Variants in TNNT1 observed in about 807,000 individuals in gnomAD.
TNNT1 encodes the protein troponin T1, slow skeletal type.
A neutral mutation model predicts 50.6 loss-of-function variants in TNNT1; 53 were observed. The observed-to-expected ratio is 1.05, with a 90% confidence interval of 0.84 to 1.32. The LOEUF (loss-of-function observed/expected upper bound fraction) is 1.32. Ranked by LOEUF, TNNT1 falls within the 40% of genes most tolerant of loss-of-function variation. TNNT1 has a pLI of 0.00. For synonymous variants in TNNT1, 142 were observed against 138.0 expected (o/e 1.03, Z -0.20); for missense variants, 348 against 381.7 (o/e 0.91, Z 0.74).
At chr19:55,141,352 A>C in intron 7 of TNNT1, 50 bp from the exon 8 acceptor site, 1 of 1,373,272 alleles carries the variant, frequency 7.3e-7, no homozygotes. Context: ...AGGGGGCAGC[A>C]GCCTCCCAGC....
In TNNT1 at chr19:55,132,759, G is replaced by A. The variant is rs1326839131; in HGVS notation, c.*156C>T. 3 of 713,900 alleles carry A rather than the reference G, an allele frequency of 4.2e-6. No individual in the cohort carries two copies. In the East Asian group the frequency reaches 8.1e-5, roughly 19 times the overall value. The allele number at this position is 713,900 out of a possible 1,614,324, so 44.2% of individuals were successfully genotyped here. A position where few individuals can be genotyped will look rare whatever the true frequency, so the allele number is the denominator to read the frequency against. On this transcript the variant is annotated 3_prime_UTR_variant, in exon 14 of 14. Coordinates refer to ENST00000588981, the MANE Select transcript of TNNT1 (RefSeq NM_003283.6). ...TGACACTCTTTCAAGTAACTTGTTG[G>A]TAATAAGAAGTCAATTAACCAGGAG...
chr19:55,140,807 TA>T, intron 9 of TNNT1, 75 bp downstream of exon 9: 3 of 1,011,894 alleles, frequency 3.0e-6, no homozygotes, highest in East Asian at 6.0e-5. Flanking sequence ...ATAATAATAA[TA>T]ATAATAATAA....
Position 55,141,313 on chromosome 19 carries a change from C to T in TNNT1, c.193-11G>A. ...CTTGCGGTGGATGTCCTGCAGGACA[C>T]ACGGGCAGCCCGTCCTAGGAGACCC... On this transcript the variant is annotated splice_polypyrimidine_tract_variant and intron_variant, in intron 7 of 13. Coordinates refer to ENST00000588981, the MANE Select transcript of TNNT1 (RefSeq NM_003283.6). 6.2e-7 allele frequency: 1 copy of T among 1,608,808 alleles called. No individual in the cohort carries two copies. Among genetic ancestry groups the T allele is most frequent in the Non-Finnish European group, 8.5e-7 (1 of 1,175,124 alleles).
At chr19:55,146,344 A>T (rs2085550723) in intron 5 of TNNT1, 90 bp downstream of exon 5, 1 of 861,210 alleles carries the variant, frequency 1.2e-6, no homozygotes, top group South Asian at 2.8e-5. Flanking sequence ...GAGGGAGGGA[A>T]GGGTGGTCTT....
rs10582842 is a variant in TNNT1, at chr19:55,140,794, GTAATAA to G, written c.387+83_387+88del. 3.6e-3 allele frequency: 2,562 copies of G among 707,352 alleles called. 38 individuals carry two copies. In the African/African-American group the frequency reaches 0.036, roughly 10 times the overall value. 43.8% of individuals were successfully genotyped at this position (707,352 alleles called of 1,614,324 possible). ...TCCGTTTCAAAGAATAATAATAATA[GTAATAA>G]TAATAATAATAATAATAATAACAAA... On this transcript the variant is annotated intron_variant, in intron 9 of 13. Coordinates refer to ENST00000588981, the MANE Select transcript of TNNT1 (RefSeq NM_003283.6).
At chr19:55,136,504 A>C (rs1186179560) in intron 11 of TNNT1, among the ~76,000 whole-genome samples, 1 of 152,210 alleles carries the variant, frequency 6.6e-6, no homozygotes, top group East Asian at 1.9e-4. Context: ...TAACGTGCGC[A>C]AGATCACAAA....
At chr19:55,139,082 C>T (rs937863401) in intron 9 of TNNT1, among the ~76,000 whole-genome samples, 5 of 152,170 alleles carry the variant, frequency 3.3e-5, no homozygotes, top group African/African-American at 1.2e-4. Flanking sequence ...TCACTGCAAC[C>T]CCCACCTCCT....
At chr19:55,141,000 C>A in intron 8 of TNNT1, 40 bp from the exon 9 acceptor site, 3 of 1,608,020 alleles carry the variant, frequency 1.9e-6, no homozygotes, top group South Asian at 2.2e-5. Flanking sequence ...AGGGACGTAC[C>A]CCCAGTCTTC....
intron 10 of TNNT1, among the ~76,000 whole-genome samples, 155 bp downstream of exon 10, chr19:55,137,806 C>G (rs906012730): frequency 6.6e-6 from 1 of 150,988 alleles, no homozygotes; most frequent in African/African-American, 2.4e-5. Flanking sequence ...ACCCCAGCTC[C>G]TCCTCCCTCA....
chr19:55,146,623 C>T (rs545205121), intron 4 of TNNT1, 58 bp downstream of exon 4: 286 of 981,980 alleles, frequency 2.9e-4, no homozygotes, highest in Non-Finnish European at 3.8e-4. Context: ...TCCTCCCGGG[C>T]CCAGCGTCCC....
intron 1 of TNNT1, 113 bp downstream of exon 1, chr19:55,149,048 C>T (rs945987299): frequency 2.1e-5 from 9 of 424,498 alleles, no homozygotes; most frequent in Middle Eastern, 6.8e-4. Context: ...AGTTGTATGC[C>T]CCACCTACCT....
chr19:55,133,496 G>A (rs539749939), intron 13 of TNNT1: 14 of 328,404 alleles, frequency 4.3e-5, no homozygotes, highest in Non-Finnish European at 5.2e-5. Flanking sequence ...TGACCAACAT[G>A]GTGAAACCCC....
intron 7 of TNNT1, among the ~76,000 whole-genome samples, chr19:55,141,520 TC>T (rs2085454892): frequency 6.7e-6 from 1 of 149,378 alleles, no homozygotes; most frequent in African/African-American, 2.5e-5. Context: ...TTTTTTTTTT[TC>T]CTCCCAGGCT....
At chr19:55,139,803 A>AT (rs1431496116) in intron 9 of TNNT1, among the ~76,000 whole-genome samples, 1 of 137,124 alleles carries the variant, frequency 7.3e-6, no homozygotes, top group Non-Finnish European at 1.6e-5. Flanking sequence ...CCTATCTCAA[A>AT]TAAAAAAAAA....
At chr19:55,140,341 GC>G (rs1389318309) in intron 9 of TNNT1, among the ~76,000 whole-genome samples, 6 of 151,984 alleles carry the variant, frequency 3.9e-5, no homozygotes, top group Non-Finnish European at 2.9e-5. Context: ...GAGTGGCGCA[GC>G]CTATATAGTT....
chr19:55,145,237 A>G (rs1054723871), intron 6 of TNNT1, among the ~76,000 whole-genome samples: 2 of 151,432 alleles, frequency 1.3e-5, no homozygotes, highest in Non-Finnish European at 2.9e-5. Flanking sequence ...ATGTTGAGGC[A>G]GTGGGCCAGG....
chr19:55,135,925 ACT>A (rs1292480478), intron 11 of TNNT1, among the ~76,000 whole-genome samples: 1 of 152,124 alleles, frequency 6.6e-6, no homozygotes, highest in Non-Finnish European at 1.5e-5. Context: ...CCGTCTCCAC[ACT>A]CAGTGTCCCC....
chr19:55,146,360 T>C, intron 5 of TNNT1, 74 bp downstream of exon 5: 1 of 1,122,836 alleles, frequency 8.9e-7, no homozygotes, highest in East Asian at 3.1e-5. Context: ...GTCTTGGAGG[T>C]TGGGGCCCGA....
chr19:55,141,034 CA>C (rs2085443011), intron 8 of TNNT1, 74 bp from the exon 9 acceptor site: 8 of 1,579,880 alleles, frequency 5.1e-6, no homozygotes, highest in Non-Finnish European at 6.1e-6. Flanking sequence ...GGCTAATAAA[CA>C]GATTGGAGTG....
Sources: allele counts gnomAD v4.1 joint callset (sites outside exome capture counted in the v4.1 genomes callset), GRCh38; gene constraint gnomAD v4.1.1; transcripts MANE v1.5; gene names NCBI Gene and HGNC (gene_info 2026-07-23, HGNC 2026-07-21).